MED1: variants seen among roughly 807,000 people sequenced by gnomAD.
MED1 encodes the protein mediator of RNA polymerase II transcription subunit 1.
MED1 carries 17 observed loss-of-function variants against 121.3 expected under a neutral mutation model. The observed-to-expected ratio is 0.14, with a 90% CI of 0.10 to 0.21. The LOEUF is 0.21. MED1 is among the 10% of genes least tolerant of loss of function. The pLI is 1.00. For missense variants in MED1, 1,558 were observed against 1,919.4 expected (o/e 0.81, Z 3.52); for synonymous variants, 661 against 694.4 (o/e 0.95, Z 0.76).
chr17:39,425,808 A>AG (rs1289985437), intron 10 of MED1, among the ~76,000 whole-genome samples: 1 of 151,850 alleles, frequency 6.6e-6, no homozygotes, highest in Admixed American at 6.6e-5. Flanking sequence ...TCTGGGGAAA[A>AG]AAAAAAAAAA....
At chr17:39,446,667 G>A (rs537860629) in intron 2 of MED1, among the ~76,000 whole-genome samples, 19 of 151,472 alleles carry the variant, frequency 1.3e-4, no homozygotes, top group African/African-American at 3.4e-4. Context: ...CCGGCTACTC[G>A]GGAGGCTGAC....
intron 9 of MED1, among the ~76,000 whole-genome samples, chr17:39,430,045 T>G (rs2048551291): frequency 6.6e-6 from 1 of 152,262 alleles, no homozygotes; most frequent in East Asian, 1.9e-4. Flanking sequence ...ATTGCACGAC[T>G]GCACTCCAGC....
Position 39,406,513 on chromosome 17 carries a change from C to G in MED1, c.*962G>C, listed in dbSNP as rs1361205915. On this transcript the variant is annotated 3_prime_UTR_variant, in exon 17 of 17. Coordinates refer to ENST00000300651, the MANE Select transcript of MED1 (RefSeq NM_004774.4). Reference sequence around the variant, plus strand: ...TCAGGAAGGCTGTCCTACACTAAACCTTACTGCATCTGAAAACATGTTTAC... The same window carrying G: ...TCAGGAAGGCTGTCCTACACTAAACGTTACTGCATCTGAAAACATGTTTAC... The G allele has an allele frequency of 5.1e-6, 5 of 984,660 alleles. No homozygotes were observed. The highest frequency in any genetic ancestry group is 4.8e-6 in the Non-Finnish European group (4 of 829,856). The allele number at this position is 984,660 out of a possible 1,614,324, so 61.0% of individuals were successfully genotyped here.
intron 8 of MED1, among the ~76,000 whole-genome samples, chr17:39,431,531 G>A (rs964501057): frequency 2.6e-5 from 4 of 151,880 alleles, no homozygotes; most frequent in Non-Finnish European, 5.9e-5. Context: ...CGCCCGCCTC[G>A]GCCTCCCAAA....
At position 39,408,128 on chromosome 17, in the gene MED1, C is replaced by T. The variant is rs1767536795; in HGVS notation, c.4093G>A (p.Val1365Ile). 5 of 1,613,944 alleles carry T rather than the reference C, an allele frequency of 3.1e-6. No homozygotes were observed. Among genetic ancestry groups the T allele is most frequent in the African/African-American group, 2.7e-5 (2 of 74,912 alleles). ...REKSDKDKSK[V>I]STSGSSVDSS... ...TCCACTGAACTCCCGGAGGTGGAAA[C>T]CTTTGATTTGTCTTTATCACTTTTC... is the stretch of plus-strand genomic sequence containing the variant. Residue 1365 changes from valine (V) to isoleucine (I), a missense_variant, in exon 17 of 17, where the codon GTT becomes ATT. Val to Ile is a conservative substitution (Grantham distance 29, BLOSUM62 3). Around this residue, in one of 5 missense-constraint regions of MED1, gnomAD observed 264 missense variants for 326.1 expected, o/e 0.81. Transcript: ENST00000300651. This position sits in a 1 kb window ranked among gnomAD's most constrained non-coding sequence, Gnocchi z 4.7.
intron 10 of MED1, 119 bp downstream of exon 10, chr17:39,427,582 T>A (rs1443350311): frequency 1.5e-6 from 1 of 652,046 alleles, no homozygotes; most frequent in Non-Finnish European, 2.7e-6. Context: ...TGTGAGGTGT[T>A]GTGTGTATAA....
intron 7 of MED1, among the ~76,000 whole-genome samples, chr17:39,433,809 T>C (rs1396047391): frequency 6.6e-6 from 1 of 152,154 alleles, no homozygotes; most frequent in African/African-American, 2.4e-5. Context: ...TCTTCCTGTC[T>C]TGGCCTCCCA....
chr17:39,432,271 A>G (rs746037779), intron 7 of MED1, among the ~76,000 whole-genome samples: 1 of 146,076 alleles, frequency 6.8e-6, no homozygotes, highest in Non-Finnish European at 1.5e-5. Flanking sequence ...TGAACCCGAG[A>G]GGAAGAGGTT....
chr17:39,426,295 G>C (rs2048514730), intron 10 of MED1, among the ~76,000 whole-genome samples: 1 of 151,764 alleles, frequency 6.6e-6, no homozygotes, highest in Non-Finnish European at 1.5e-5. Context: ...AAAAATACAA[G>C]AATTAGCCGG....
At chr17:39,430,620 G>A (rs1171549856) in intron 9 of MED1, among the ~76,000 whole-genome samples, 1 of 151,744 alleles carries the variant, frequency 6.6e-6, no homozygotes, top group Non-Finnish European at 1.5e-5. Flanking sequence ...GTGAACCTGG[G>A]AGGCGGAGCT....
At chr17:39,420,840 G>A (rs2048456589) in intron 13 of MED1, among the ~76,000 whole-genome samples, 1 of 136,946 alleles carries the variant, frequency 7.3e-6, no homozygotes, top group Admixed American at 8.1e-5. Flanking sequence ...TTGTAGCTCA[G>A]GCTGGAGTGC....
At position 39,407,763 on chromosome 17, in the gene MED1, G is replaced by A. The variant is rs1286434821; in HGVS notation, c.4458C>T (p.Ile1486=). 1.1e-5 allele frequency: 17 copies of A among 1,613,976 alleles called. No individual in the cohort carries two copies. Among genetic ancestry groups the A allele is most frequent in the Non-Finnish European group, 1.4e-5 (16 of 1,180,042 alleles). Residue 1486 remains isoleucine (I), a synonymous_variant, in exon 17 of 17, where the codon ATC becomes ATT. Transcript: ENST00000300651. ...YQNSPSSDDG[I]RPLPEYSTEK... is the part of the protein sequence containing the mutation. ...CTGTGCTGTATTCTGGAAGTGGTCG[G>A]ATACCATCGTCTGAGCTGGGACTAT...
chr17:39,415,814 CAAAAAAAAAAA>C (rs61614470), intron 14 of MED1, among the ~76,000 whole-genome samples: 1 of 40,638 alleles, frequency 2.5e-5, no homozygotes, highest in South Asian at 1.3e-3. Context: ...GACTCCATCT[CAAAAAAAAAAA>C]AAAAAAAAAA....
At chr17:39,450,420 A>T (rs770901019) in intron 1 of MED1, among the ~76,000 whole-genome samples, 2 of 152,250 alleles carry the variant, frequency 1.3e-5, no homozygotes, top group Non-Finnish European at 2.9e-5. Flanking sequence ...AGGAAACTGG[A>T]GAAGATAAAC....
rs2048777689 is a variant in MED1 at position 39,451,045 on chromosome 17, T to G, written c.18A>C (p.Glu6Asp). 1.2e-6 allele frequency: 2 copies of G among 1,611,702 alleles called. No homozygotes were observed. The highest frequency in any genetic ancestry group is 3.4e-5 in the Admixed American group (2 of 59,588). MKAQG[E>D]TEESEKLSKM... ...TCCCCTACAGTCACTTACCCTCGGT[T>G]TCCCCCTGAGCTTTCATCCTGAAGG... The change falls in exon 1 of 17, where the codon GAA becomes GAC. Residue 6 changes from glutamate (E) to aspartate (D), a missense_variant. Physicochemically the swap from Glu to Asp is conservative, Grantham distance 45 (BLOSUM62 2). Around this residue, in one of 5 missense-constraint regions of MED1, gnomAD observed 443 missense variants for 532.4 expected, o/e 0.83. Transcript: ENST00000300651.
In MED1 at chr17:39,440,017, G is replaced by GAAA. The variant is rs2048658333; in HGVS notation, c.399+368_399+369insTTT. Reference sequence around the variant, plus strand: ...AGGAAGGAAGGAAGGAAGGAAGGAAGGAAAGAAAGAAAGAAAGAGAGAAAG... The same window carrying GAAA: ...AGGAAGGAAGGAAGGAAGGAAGGAAGAAAGAAAGAAAGAAAGAAAGAGAGAAAG... On this transcript the variant is annotated intron_variant, in intron 5 of 16. Transcript: ENST00000300651. The surrounding 1 kb of genome is among the most constrained non-coding windows in gnomAD (Gnocchi z 4.1). Among the ~76,000 whole-genome samples the GAAA allele has an allele frequency of 7.8e-6, 1 of 128,678 alleles. No homozygotes were observed. The highest frequency in any genetic ancestry group is 3.2e-5 in the African/African-American group (1 of 31,374). The allele number at this position is 128,678 out of a possible 152,430, so 84.4% of individuals were successfully genotyped here.
At position 39,408,146 on chromosome 17, in the gene MED1, C is replaced by G. The variant is rs1239603306; in HGVS notation, c.4075G>C (p.Asp1359His). Reference sequence around the variant, plus strand: ...GTGGAAACCTTTGATTTGTCTTTATCACTTTTCTCACGCTTGCCCTGAAAC... The same window carrying G: ...GTGGAAACCTTTGATTTGTCTTTATGACTTTTCTCACGCTTGCCCTGAAAC... ...GEFQGKREKSDKDKSKVSTSG... is the reference protein window; with the variant it reads ...GEFQGKREKSHKDKSKVSTSG... The change falls in exon 17 of 17, where the codon GAT becomes CAT. Residue 1359 changes from aspartate (D) to histidine (H), a missense_variant. This residue lies in a region of MED1 where 264 missense variants were observed against 326.1 expected (regional missense o/e 0.81). Coordinates refer to ENST00000300651, the MANE Select transcript of MED1 (RefSeq NM_004774.4). This position sits in a 1 kb window ranked among gnomAD's most constrained non-coding sequence, Gnocchi z 4.7. 6.2e-7 allele frequency: 1 copy of G among 1,614,062 alleles called. No individual in the cohort carries two copies. Among genetic ancestry groups the G allele is most frequent in the South Asian group, 1.1e-5 (1 of 91,078 alleles).
intron 6 of MED1, among the ~76,000 whole-genome samples, chr17:39,437,315 T>C (rs1052550617): frequency 3.3e-5 from 5 of 152,174 alleles, no homozygotes; most frequent in African/African-American, 1.2e-4. Flanking sequence ...TGGCCTCAAG[T>C]GATCTGCTCA....
intron 8 of MED1, 175 bp from the exon 9 acceptor site, chr17:39,431,363 C>T (rs1045381106): frequency 5.5e-5 from 25 of 458,458 alleles, no homozygotes; most frequent in Non-Finnish European, 9.7e-5. Context: ...CCGCAACCTC[C>T]GCTTCCCAGG....
Sources: gnomAD v4.1 joint callset for allele counts (sites outside exome capture counted in the v4.1 genomes callset) on GRCh38, gnomAD v4.1.1 for gene constraint, gnomAD v4.1.1 regional missense constraint, Gnocchi (gnomAD v3.1) non-coding constraint, MANE v1.5 for transcripts, NCBI Gene and HGNC (gene_info 2026-07-23, HGNC 2026-07-21) for gene names.